The following PYY variants were observed in gnomAD, a reference collection of about 807,000 sequenced individuals.
PYY encodes the protein peptide YY, also known as peptide tyrosine tyrosine.
Under a neutral mutation model 10.3 loss-of-function variants are expected in PYY, and 12 were observed. The ratio of observed to expected loss-of-function variants is 1.17; its 90% CI spans 0.75 to 1.89. PYY has a LOEUF of 1.89. PYY is among the 40% of genes most tolerant of loss of function. PYY has a pLI of 0.00. For synonymous variants in PYY, 66 were observed against 62.0 expected, an observed-to-expected ratio of 1.06 and a Z score of -0.30; for missense variants, 141 against 134.0, an observed-to-expected ratio of 1.05 and a Z score of -0.26.
At chr17:43,978,547 T>C (rs1433651532) in intron 1 of PYY, among the ~76,000 whole-genome samples, 1 of 152,054 alleles carries the variant, frequency 6.6e-6, no homozygotes, top group African/African-American at 2.4e-5. Context: ...ATGGCTTCCA[T>C]CAGTATTTAA....
At chr17:43,955,108 C>T (rs372351097), upstream of PYY, among the ~76,000 whole-genome samples, 4 of 152,288 alleles carry the variant, frequency 2.6e-5, no homozygotes, top group Admixed American at 6.5e-5. Flanking sequence ...AGCAGGGACC[C>T]GAAGACTAAG....
At chr17:43,993,303 A>C (rs372020831) in intron 1 of PYY, among the ~76,000 whole-genome samples, 8 of 152,136 alleles carry the variant, frequency 5.3e-5, no homozygotes, top group African/African-American at 1.9e-4. Flanking sequence ...TACTAAAAAT[A>C]CAAAAAATTA....
chr17:43,987,084 G>A lies in PYY; in HGVS notation c.-463+17307C>T, dbSNP rs746424919. Among the ~76,000 whole-genome samples the A allele has an allele frequency of 7.2e-5, 11 of 152,000 alleles. No homozygotes were observed. Among genetic ancestry groups the A allele is most frequent in the Non-Finnish European group, 1.5e-4 (10 of 67,998 alleles). On this transcript the variant is annotated intron_variant, in intron 1 of 6. Coordinates refer to the PYY transcript ENST00000360085. The surrounding 1 kb of genome is among the most constrained non-coding windows in gnomAD (Gnocchi z 4.0). Reference sequence around the variant, plus strand: ...GAAGCCAGATGCTAACACATTCCTCGGGCCCCTGTGTCCACCCCTCCTCTG... The same window carrying A: ...GAAGCCAGATGCTAACACATTCCTCAGGCCCCTGTGTCCACCCCTCCTCTG...
chr17:43,972,191 T>TTTTATTTATTTATTTATTTA (rs3080250), intron 1 of PYY, among the ~76,000 whole-genome samples: 2 of 138,204 alleles, frequency 1.4e-5, no homozygotes, highest in Non-Finnish European at 3.1e-5. Context: ...TTTTATTTTA[T>TTTTATTTATTTATTTATTTA]TTTATTTATT....
intron 1 of PYY, among the ~76,000 whole-genome samples, chr17:43,975,641 C>T (rs936998291): frequency 1.3e-5 from 2 of 150,624 alleles, no homozygotes; most frequent in Non-Finnish European, 3.0e-5. Context: ...ATCACCTGAG[C>T]CCAGAAAGTC....
intron 1 of PYY, 47 bp from the exon 2 acceptor site, chr17:43,953,530 A>C: frequency 6.7e-7 from 1 of 1,496,360 alleles, no homozygotes. Flanking sequence ...CCTCGACCCT[A>C]CACGGCGGGA....
At chr17:43,957,683 A>G (rs2048683296), upstream of PYY, among the ~76,000 whole-genome samples, 1 of 152,126 alleles carries the variant, frequency 6.6e-6, no homozygotes, top group Non-Finnish European at 1.5e-5. Flanking sequence ...ACATAAATAA[A>G]TAAATAAGCA....
chr17:44,002,187 GAGTCTCCCCCCCGGGAC>G (rs2049032128), intron 1 of PYY, among the ~76,000 whole-genome samples: 1 of 152,120 alleles, frequency 6.6e-6, no homozygotes, highest in African/African-American at 2.4e-5. Flanking sequence ...TTCCACTACA[GAGTCTCCCCCCCGGGAC>G]AGTGTGTCCG....
chr17:43,998,313 T>G (rs2049004308), intron 1 of PYY, among the ~76,000 whole-genome samples: 2 of 151,882 alleles, frequency 1.3e-5, no homozygotes, highest in African/African-American at 4.8e-5. Flanking sequence ...ATCCTAGCAC[T>G]TTGGGAGGCC....
intron 1 of PYY, among the ~76,000 whole-genome samples, chr17:43,982,552 C>A (rs1055597972): frequency 6.6e-6 from 1 of 151,966 alleles, no homozygotes. Flanking sequence ...CAGGCAAAAG[C>A]CAGAGAAGGG....
At chr17:43,996,463 T>G (rs2048992953) in intron 1 of PYY, among the ~76,000 whole-genome samples, 1 of 152,058 alleles carries the variant, frequency 6.6e-6, no homozygotes, top group East Asian at 1.9e-4. Context: ...CATGGGGTTT[T>G]GGGGTAATTT....
chr17:43,993,692 A>G (rs2048972658), intron 1 of PYY, among the ~76,000 whole-genome samples: 1 of 152,142 alleles, frequency 6.6e-6, no homozygotes, highest in Non-Finnish European at 1.5e-5. Flanking sequence ...TATATACACA[A>G]TAATACAGCC....
intron 1 of PYY, among the ~76,000 whole-genome samples, chr17:43,970,837 G>A (rs1375916098): frequency 6.6e-6 from 1 of 152,192 alleles, no homozygotes; most frequent in African/African-American, 2.4e-5. Context: ...GACTTATTGA[G>A]ACAGGCTTTG....
chr17:43,959,915 C>T (rs2048699943), intron 2 of PYY, among the ~76,000 whole-genome samples: 1 of 152,218 alleles, frequency 6.6e-6, no homozygotes, highest in South Asian at 2.1e-4. Context: ...CAGGGAGAAA[C>T]AGTTCTGACC....
rs775066097 is a variant in PYY, at chr17:43,997,537, G to A, written c.-463+6854C>T. Among the ~76,000 whole-genome samples the A allele has an allele frequency of 3.0e-4, 46 of 152,266 alleles. No homozygotes were observed. The Middle Eastern group carries it at 0.01, about 34-fold the overall frequency. ...TGAGCTGGCTGGAGGGGCAGGGGCA[G>A]TAGGAAATAAGGTCAAACAAGTGCC... On this transcript the variant is annotated intron_variant, in intron 1 of 6. Transcript: ENST00000360085.
intron 1 of PYY, among the ~76,000 whole-genome samples, chr17:43,990,438 C>CAAAAAAAA (rs59522069): frequency 2.2e-5 from 2 of 92,810 alleles, no homozygotes; most frequent in African/African-American, 4.0e-5. Context: ...GACTCCATCT[C>CAAAAAAAA]AAAAAAAAAA....
intron 2 of PYY, among the ~76,000 whole-genome samples, chr17:43,964,891 A>G (rs575545669): frequency 6.6e-6 from 1 of 152,244 alleles, no homozygotes. Context: ...TATAGATCAA[A>G]CAAATGCTAT....
At chr17:43,967,306 AAAG>A (rs748954219) in intron 1 of PYY, among the ~76,000 whole-genome samples, 73 of 152,132 alleles carry the variant, frequency 4.8e-4, no homozygotes, top group Non-Finnish European at 4.0e-4. Flanking sequence ...CTGTCTAAAA[AAAG>A]AAGAAGAAGA....
chr17:43,967,775 A>G (rs960931459), intron 1 of PYY, among the ~76,000 whole-genome samples: 1 of 152,106 alleles, frequency 6.6e-6, no homozygotes, highest in African/African-American at 2.4e-5. Context: ...CGGGGGAAGA[A>G]AGCCAGAATT....
Sources: allele counts gnomAD v4.1 joint callset (sites outside exome capture counted in the v4.1 genomes callset), GRCh38; gene constraint gnomAD v4.1.1; non-coding constraint Gnocchi (gnomAD v3.1); transcripts MANE v1.5; gene names NCBI Gene and HGNC (gene_info 2026-07-23, HGNC 2026-07-21).